Variants in C4orf36 observed in about 807,000 individuals in gnomAD.
The protein encoded by C4orf36 is uncharacterized protein C4orf36.
A neutral mutation model predicts 12.2 loss-of-function variants in C4orf36; 11 were observed. The observed-to-expected ratio is 0.90, with a 90% confidence interval of 0.57 to 1.49. The LOEUF is 1.49. Ranked by LOEUF, C4orf36 falls within the 40% of genes most tolerant of loss-of-function variation. The pLI is 0.00. For missense variants in C4orf36, 137 were observed against 133.9 expected, an observed-to-expected ratio of 1.02 and a Z score of -0.11; for synonymous variants, 54 against 51.3, an observed-to-expected ratio of 1.05 and a Z score of -0.22.
chr4:86,900,985 CTTTT>C, the C4orf36 span, among the ~76,000 whole-genome samples: 1 of 138,034 alleles, frequency 7.2e-6, no homozygotes, highest in Non-Finnish European at 1.6e-5. Context: ...GCAGTGGTTC[CTTTT>C]TTTTTTTTTT....
upstream of C4orf36, among the ~76,000 whole-genome samples, chr4:86,895,404 A>G (rs10029698): frequency 0.062 from 9,422 of 152,344 alleles, 431 homozygotes; most frequent in Non-Finnish European, 0.087. Context: ...AGACAGCAAT[A>G]GATACCACTA....
intron 4 of C4orf36, chr4:86,886,516 GCAT>G (rs1480933263): frequency 4.6e-5 from 7 of 152,260 alleles, no homozygotes; most frequent in African/African-American, 1.7e-4. Context: ...GAAAAAATGT[GCAT>G]CATCACTGGC....
At chr4:86,913,754 A>G in the C4orf36 span, 1 of 1,498,842 alleles carries the variant, frequency 6.7e-7, no homozygotes, top group Non-Finnish European at 9.3e-7. Flanking sequence ...TGCCACTGCC[A>G]CCTAACTCTG....
At chr4:86,909,893 TAAAAAAAAAAAAA>T in the C4orf36 span, among the ~76,000 whole-genome samples, 1 of 73,298 alleles carries the variant, frequency 1.4e-5, no homozygotes, top group African/African-American at 4.9e-5. Context: ...GAGGAAGACT[TAAAAAAAAAAAAA>T]AAAAAAAAAA....
At chr4:86,879,829 C>T (rs113864629) in intron 4 of C4orf36, among the ~76,000 whole-genome samples, 150 of 147,490 alleles carry the variant, frequency 1.0e-3, no homozygotes, top group African/African-American at 3.6e-3. Flanking sequence ...TCTTATTAGA[C>T]TATAAGCAGT....
chr4:86,876,424 T>A lies in C4orf36; in HGVS notation c.*22A>T, dbSNP rs2149418818. ...CCGCCGGCGCTGCTGAGTTTCTTCA[T>A]CTACAATCCGCGCTTCAGGCTGCGC... On this transcript the variant is annotated 3_prime_UTR_variant, in exon 5 of 5. Coordinates refer to ENST00000295898, the MANE Select transcript of C4orf36 (RefSeq NM_144645.4). 1 of 1,613,214 alleles carries A rather than the reference T, an allele frequency of 6.2e-7. No individual in the cohort carries two copies. Among genetic ancestry groups the A allele is most frequent in the Non-Finnish European group, 8.5e-7 (1 of 1,179,528 alleles).
chr4:86,915,955 C>A, the C4orf36 span, among the ~76,000 whole-genome samples: 2 of 152,166 alleles, frequency 1.3e-5, no homozygotes. Context: ...GAACAATTCT[C>A]CCCTAGAGGC....
At chr4:86,932,896 T>C in the C4orf36 span, among the ~76,000 whole-genome samples, 6 of 152,100 alleles carry the variant, frequency 3.9e-5, no homozygotes, top group East Asian at 3.9e-4. Context: ...TGGAATTTCA[T>C]TGAGTGTGCT....
At chr4:86,921,757 C>T in the C4orf36 span, among the ~76,000 whole-genome samples, 1 of 152,008 alleles carries the variant, frequency 6.6e-6, no homozygotes, top group African/African-American at 2.4e-5. Flanking sequence ...GTTGTGCAAC[C>T]ATCACCACCA....
Position 86,876,361 on chromosome 4 carries a change from C to G in C4orf36, c.*85G>C, listed in dbSNP as rs1467327846. On this transcript the variant is annotated 3_prime_UTR_variant, in exon 5 of 5. Transcript: ENST00000295898. Reference sequence around the variant, plus strand: ...GGCTGCAGCGCAGCGACGGCCGGGGCCGGGAGCGGGTCCTGGGCGGCCCAG... The same window carrying G: ...GGCTGCAGCGCAGCGACGGCCGGGGGCGGGAGCGGGTCCTGGGCGGCCCAG... 2 of 1,582,062 alleles carry G rather than the reference C, an allele frequency of 1.3e-6. No homozygotes were observed. The highest frequency in any genetic ancestry group is 4.6e-5 in the East Asian group (2 of 43,906).
chr4:86,892,086 G>A (rs1747441886), intron 1 of C4orf36, 97 bp downstream of exon 1: 2 of 985,810 alleles, frequency 2.0e-6, no homozygotes, highest in South Asian at 4.7e-5. Context: ...GACGCGCAGG[G>A]CCCGGGAGGA....
At chr4:86,911,762 C>T in the C4orf36 span, among the ~76,000 whole-genome samples, 1 of 152,200 alleles carries the variant, frequency 6.6e-6, no homozygotes, top group East Asian at 1.9e-4. Context: ...TCATGGCTCA[C>T]TGCAGCCTTA....
the C4orf36 span, among the ~76,000 whole-genome samples, chr4:86,931,896 G>A: frequency 3.3e-5 from 5 of 152,056 alleles, no homozygotes; most frequent in Non-Finnish European, 7.4e-5. Context: ...TTGGCCGGGC[G>A]TGGTGGCAGG....
intron 4 of C4orf36, among the ~76,000 whole-genome samples, chr4:86,879,527 G>A (rs1746996647): frequency 1.3e-5 from 2 of 152,128 alleles, no homozygotes; most frequent in African/African-American, 4.8e-5. Flanking sequence ...AGTGAAGAAC[G>A]CCAAAAATAC....
chr4:86,914,481 A>G, the C4orf36 span: 2 of 517,526 alleles, frequency 3.9e-6, no homozygotes, highest in South Asian at 2.3e-5. Context: ...GCTCACTGCA[A>G]CCTCCACCTC....
chr4:86,917,372 GAAGGAAGGA>G, the C4orf36 span, among the ~76,000 whole-genome samples: 1 of 147,618 alleles, frequency 6.8e-6, no homozygotes. Context: ...AGGATGGAAG[GAAGGAAGGA>G]AAGGAAGGAA....
chr4:86,921,518 T>C, the C4orf36 span, among the ~76,000 whole-genome samples: 1 of 152,284 alleles, frequency 6.6e-6, no homozygotes, highest in South Asian at 2.1e-4. Flanking sequence ...TTTTCTTTTT[T>C]CCCCCATGAT....
chr4:86,928,602 G>C, the C4orf36 span, among the ~76,000 whole-genome samples: 6 of 152,222 alleles, frequency 3.9e-5, no homozygotes, highest in Non-Finnish European at 8.8e-5. Context: ...ATCTATCTCT[G>C]ACTTGGGGTT....
At chr4:86,930,030 G>A in the C4orf36 span, among the ~76,000 whole-genome samples, 1 of 152,230 alleles carries the variant, frequency 6.6e-6, no homozygotes, top group Non-Finnish European at 1.5e-5. Context: ...AGAGATGTGG[G>A]TTGGGATGAA....
Sources: gnomAD v4.1 joint callset for allele counts (sites outside exome capture counted in the v4.1 genomes callset) on GRCh38, gnomAD v4.1.1 for gene constraint, MANE v1.5 for transcripts, NCBI Gene and HGNC (gene_info 2026-07-23, HGNC 2026-07-21) for gene names.